LDLRAD4: variants seen among roughly 807,000 people sequenced by gnomAD.
The protein encoded by LDLRAD4 is low density lipoprotein receptor class A domain containing 4.
A neutral mutation model predicts 17.0 loss-of-function variants in LDLRAD4; 5 were observed. The observed-to-expected ratio is 0.29, with a 90% confidence interval of 0.15 to 0.62. LDLRAD4 has a LOEUF of 0.62. Among genes scored for constraint, LDLRAD4 ranks in the 20% least tolerant of loss-of-function variants. The pLI is 0.84. For missense variants in LDLRAD4, 340 were observed against 424.7 expected (o/e 0.80, Z 1.75); for synonymous variants, 168 against 171.8 (o/e 0.98, Z 0.17).
At chr18:13,352,669 A>G (rs557984965) in intron 1 of LDLRAD4, among the ~76,000 whole-genome samples, 81 of 151,832 alleles carry the variant, frequency 5.3e-4, no homozygotes, top group African/African-American at 1.9e-3. Context: ...TTCAAATAAT[A>G]TCTTCCTCTT....
At chr18:13,598,780 G>A (rs889313373) in intron 3 of LDLRAD4, among the ~76,000 whole-genome samples, 1 of 152,182 alleles carries the variant, frequency 6.6e-6, no homozygotes, top group Non-Finnish European at 1.5e-5. Context: ...TACACTCTGG[G>A]CAAAATCTCT....
At chr18:13,475,360 C>T (rs867012590) in intron 3 of LDLRAD4, among the ~76,000 whole-genome samples, 5 of 151,876 alleles carry the variant, frequency 3.3e-5, no homozygotes, top group South Asian at 2.1e-4. Context: ...CTCCTAGGCT[C>T]CAGGAATCCT....
At position 13,249,564 on chromosome 18, in the gene LDLRAD4, G is replaced by A. The variant is rs565402817; in HGVS notation, c.-466-28541G>A. 7.0e-4 allele frequency among the ~76,000 whole-genome samples: 106 copies of A among 151,242 alleles called. No individual in the cohort carries two copies. The Middle Eastern group carries it at 0.014, about 20-fold the overall frequency. On this transcript the variant is annotated intron_variant, in intron 1 of 5. Transcript: ENST00000399848. ...GTATGTTTCCTTTTGAGAAATGTCCGCACTCAAATTTTCTCATTTTAAAAT... is the reference window on the plus strand; with the variant it reads ...GTATGTTTCCTTTTGAGAAATGTCCACACTCAAATTTTCTCATTTTAAAAT...
At chr18:13,332,299 A>G (rs747462861) in intron 1 of LDLRAD4, among the ~76,000 whole-genome samples, 1 of 152,208 alleles carries the variant, frequency 6.6e-6, no homozygotes, top group Non-Finnish European at 1.5e-5. Flanking sequence ...AGCAGACACT[A>G]CAAAAATTTT....
intron 3 of LDLRAD4, among the ~76,000 whole-genome samples, chr18:13,600,634 G>A (rs1277918731): frequency 1.3e-5 from 2 of 152,236 alleles, no homozygotes; most frequent in Admixed American, 6.5e-5. Flanking sequence ...AAGACCATGT[G>A]TGACCAAATT....
At chr18:13,591,562 C>G (rs1055747923) in intron 3 of LDLRAD4, among the ~76,000 whole-genome samples, 1 of 152,124 alleles carries the variant, frequency 6.6e-6, no homozygotes, top group Non-Finnish European at 1.5e-5. Flanking sequence ...GATTCTTAAC[C>G]TTGCCTACTA....
chr18:13,321,354 G>A (rs976884935), intron 1 of LDLRAD4, among the ~76,000 whole-genome samples: 3 of 152,206 alleles, frequency 2.0e-5, no homozygotes, highest in South Asian at 2.1e-4. Context: ...TGGGCCTATC[G>A]CCGTGTGATG....
rs933635539 is a variant in LDLRAD4 at position 13,253,832 on chromosome 18, G to T, written c.-466-24273G>T. ...CTCAGATGTCACTGAACAGGAAGCT[G>T]CCGGGTGAGTTTTTGATAACAAATC... On this transcript the variant is annotated intron_variant, in intron 1 of 5. Transcript: ENST00000399848. Among the ~76,000 whole-genome samples, 34 of 152,226 alleles carry T rather than the reference G, an allele frequency of 2.2e-4. 1 individual carries two copies. The highest frequency in any genetic ancestry group is 1.5e-3 in the Admixed American group (23 of 15,284).
intron 1 of LDLRAD4, among the ~76,000 whole-genome samples, chr18:13,337,345 C>A (rs1045174204): frequency 6.6e-6 from 1 of 152,132 alleles, no homozygotes; most frequent in Non-Finnish European, 1.5e-5. Context: ...CAGTTTCTGC[C>A]CAATCTCAGC....
rs547332977 is a variant in LDLRAD4, at chr18:13,343,623, G to T, written c.-382-43718G>T. 1.7e-3 allele frequency among the ~76,000 whole-genome samples: 254 copies of T among 152,240 alleles called. 2 individuals are homozygous for T. Among genetic ancestry groups the T allele is most frequent in the African/African-American group, 5.9e-3 (243 of 41,526 alleles). On this transcript the variant is annotated intron_variant, in intron 1 of 5. Coordinates refer to ENST00000359446, the Ensembl canonical transcript of LDLRAD4. ...AGTAATGGGATTGCTGGGTCAAATGGTATTTCTAGTTCTAGATCCCTGAGG... is the reference window on the plus strand; with the variant it reads ...AGTAATGGGATTGCTGGGTCAAATGTTATTTCTAGTTCTAGATCCCTGAGG...
At chr18:13,237,315 C>G (rs2042386350) in intron 1 of LDLRAD4, among the ~76,000 whole-genome samples, 1 of 152,230 alleles carries the variant, frequency 6.6e-6, no homozygotes, top group African/African-American at 2.4e-5. Flanking sequence ...GGCAGAGTCA[C>G]TGGTGTCCTG....
rs1311317347 is a variant in LDLRAD4, at chr18:13,645,651, G to A, written c.915G>A (p.Leu305=). 3 of 1,511,006 alleles carry A rather than the reference G, an allele frequency of 2.0e-6. No homozygotes were observed. Among genetic ancestry groups the A allele is most frequent in the African/African-American group, 2.8e-5 (2 of 71,684 alleles). 93.6% of individuals were successfully genotyped at this position (1,511,006 alleles called of 1,614,324 possible). ...GCAAAGATAGGAAGCCTGGGAACCTGGTCTGATTCCTTCCAACGTGCACTT... is the reference window on the plus strand; with the variant it reads ...GCAAAGATAGGAAGCCTGGGAACCTAGTCTGATTCCTTCCAACGTGCACTT... The change falls in exon 6 of 6, where the codon CTG becomes CTA. Residue 305 remains leucine, a synonymous_variant. Transcript: ENST00000359446. This position sits in a 1 kb window ranked among gnomAD's most constrained non-coding sequence, Gnocchi z 5.7.
chr18:13,454,589 G>A (rs939434835), intron 3 of LDLRAD4, among the ~76,000 whole-genome samples: 2 of 152,220 alleles, frequency 1.3e-5, no homozygotes, highest in African/African-American at 2.4e-5. Context: ...GGCAGCCAGA[G>A]GCTATCTGCT....
intron 3 of LDLRAD4, among the ~76,000 whole-genome samples, chr18:13,579,414 T>C (rs2094824915): frequency 6.6e-6 from 1 of 152,218 alleles, no homozygotes; most frequent in Admixed American, 6.5e-5. Flanking sequence ...CTGTCCCTTT[T>C]TACTAGGAAG....
intron 3 of LDLRAD4, among the ~76,000 whole-genome samples, chr18:13,448,850 T>C (rs1420667889): frequency 1.3e-5 from 2 of 152,124 alleles, no homozygotes; most frequent in Non-Finnish European, 2.9e-5. Flanking sequence ...AAAGCTGCCA[T>C]GAGATACGTC....
At chr18:13,565,854 A>T (rs1389790918) in intron 3 of LDLRAD4, among the ~76,000 whole-genome samples, 2 of 152,170 alleles carry the variant, frequency 1.3e-5, no homozygotes, top group African/African-American at 4.8e-5. Context: ...GGCCTTAAGG[A>T]GTTTGTGTTG....
At chr18:13,650,522 T>C (rs765656401) in exon 6 of LDLRAD4, 1 of 397,016 alleles carries the variant, frequency 2.5e-6, no homozygotes, top group Non-Finnish European at 4.4e-6. Context: ...ATGTTCTGAG[T>C]TCAGCAGATA....
intron 3 of LDLRAD4, among the ~76,000 whole-genome samples, chr18:13,462,502 A>T (rs1362648011): frequency 6.6e-6 from 1 of 152,192 alleles, no homozygotes; most frequent in African/African-American, 2.4e-5. Flanking sequence ...AAGAGAGGTG[A>T]CTTCTACATA....
intron 4 of LDLRAD4, among the ~76,000 whole-genome samples, chr18:13,634,263 GAAGT>G: frequency 6.6e-6 from 1 of 152,194 alleles, no homozygotes; most frequent in Non-Finnish European, 1.5e-5. Flanking sequence ...TGGAAAGGAA[GAAGT>G]AAAAGTATCT....
Sources: allele counts gnomAD v4.1 joint callset (sites outside exome capture counted in the v4.1 genomes callset), GRCh38; gene constraint gnomAD v4.1.1; non-coding constraint Gnocchi (gnomAD v3.1); transcripts MANE v1.5; gene names NCBI Gene and HGNC (gene_info 2026-07-23, HGNC 2026-07-21).